The following MPZL1 variants were observed in gnomAD, a reference collection of about 807,000 sequenced individuals.
MPZL1 encodes the protein myelin protein zero like 1.
In MPZL1, 16 loss-of-function variants were observed where a neutral mutation model predicts 29.3. The observed-to-expected ratio is 0.55, with a 90% confidence interval of 0.37 to 0.83. The LOEUF is 0.83. Among genes scored for constraint, MPZL1 ranks in the 40% least tolerant of loss-of-function variants. The probability of loss-of-function intolerance (pLI) is 0.00; values close to 1 mark genes in which losing one functional copy is unlikely to be tolerated. For missense variants in MPZL1, 279 were observed against 332.9 expected, an observed-to-expected ratio of 0.84 and a Z score of 1.26; for synonymous variants, 143 against 132.0, an observed-to-expected ratio of 1.08 and a Z score of -0.57.
At chr1:167,737,455 G>A (rs1333390405) in intron 1 of MPZL1, among the ~76,000 whole-genome samples, 1 of 152,172 alleles carries the variant, frequency 6.6e-6, no homozygotes, top group Non-Finnish European at 1.5e-5. Context: ...TTGAGGGGTG[G>A]TGTTCAATAA....
At chr1:167,740,621 A>G (rs1016125681) in intron 1 of MPZL1, among the ~76,000 whole-genome samples, 14 of 151,892 alleles carry the variant, frequency 9.2e-5, no homozygotes, top group African/African-American at 3.1e-4. Context: ...CTTCCTCTAC[A>G]TTATTTTCCT....
intron 1 of MPZL1, among the ~76,000 whole-genome samples, chr1:167,759,708 G>A (rs564630333): frequency 6.6e-6 from 1 of 152,318 alleles, no homozygotes; most frequent in South Asian, 2.1e-4. Context: ...CCAGCTCTCA[G>A]CATTTGACAC....
chr1:167,732,529 T>C (rs1660292811), intron 1 of MPZL1, among the ~76,000 whole-genome samples: 1 of 152,242 alleles, frequency 6.6e-6, no homozygotes, highest in Admixed American at 6.5e-5. Context: ...CAAAGTTCCC[T>C]GTAGCCTCAA....
At chr1:167,727,827 C>T (rs1040016043) in intron 1 of MPZL1, among the ~76,000 whole-genome samples, 1 of 151,814 alleles carries the variant, frequency 6.6e-6, no homozygotes, top group East Asian at 1.9e-4. Context: ...TATATCTTTG[C>T]CTTTAAACCC....
intron 5 of MPZL1, among the ~76,000 whole-genome samples, chr1:167,779,349 C>A (rs542002772): frequency 2.4e-4 from 36 of 152,218 alleles, no homozygotes; most frequent in Non-Finnish European, 4.3e-4. Flanking sequence ...CTTTGGGAGG[C>A]TGAGGTGGGT....
intron 1 of MPZL1, among the ~76,000 whole-genome samples, chr1:167,743,874 T>C (rs1409416834): frequency 6.6e-6 from 1 of 152,094 alleles, no homozygotes; most frequent in Non-Finnish European, 1.5e-5. Context: ...TGACTTCCTC[T>C]TTACTGATTT....
At chr1:167,753,281 G>T (rs997446094) in intron 1 of MPZL1, among the ~76,000 whole-genome samples, 1 of 152,172 alleles carries the variant, frequency 6.6e-6, no homozygotes, top group African/African-American at 2.4e-5. Context: ...ATACCAGCTC[G>T]CCACCAACAG....
intron 5 of MPZL1, among the ~76,000 whole-genome samples, chr1:167,783,443 G>A (rs982831011): frequency 2.0e-5 from 3 of 152,208 alleles, no homozygotes; most frequent in African/African-American, 4.8e-5. Context: ...TCTGGATATC[G>A]TTGATGCTCT....
intron 1 of MPZL1, among the ~76,000 whole-genome samples, chr1:167,759,070 C>T (rs1660927676): frequency 6.6e-6 from 1 of 152,170 alleles, no homozygotes. Context: ...AATCAACAGA[C>T]TTTTTTAAAT....
chr1:167,771,849 T>C (rs958745917), intron 2 of MPZL1, among the ~76,000 whole-genome samples: 4 of 150,792 alleles, frequency 2.7e-5, no homozygotes, highest in Non-Finnish European at 5.9e-5. Context: ...GAGCATTGAG[T>C]GAGCAAGACT....
At chr1:167,773,040 G>A (rs1661284643) in intron 3 of MPZL1, among the ~76,000 whole-genome samples, 196 bp from the exon 4 acceptor site, 1 of 152,128 alleles carries the variant, frequency 6.6e-6, no homozygotes. Flanking sequence ...TAGTTCCATA[G>A]TTCATTCTTT....
chr1:167,749,828 T>TA (rs1280237215), intron 1 of MPZL1, among the ~76,000 whole-genome samples: 1 of 152,148 alleles, frequency 6.6e-6, no homozygotes, highest in Non-Finnish European at 1.5e-5. Context: ...AGAGGTGAAA[T>TA]AGAGGCTACT....
chr1:167,769,575 G>A (rs1301363209), intron 2 of MPZL1, among the ~76,000 whole-genome samples: 1 of 152,168 alleles, frequency 6.6e-6, no homozygotes, highest in African/African-American at 2.4e-5. Flanking sequence ...CTTCATGGGA[G>A]TGAAGATTTC....
At chr1:167,772,593 T>G in intron 3 of MPZL1, 105 bp downstream of exon 3, 1 of 1,059,262 alleles carries the variant, frequency 9.4e-7, no homozygotes, top group South Asian at 1.6e-5. Context: ...GGAGGATTTT[T>G]GCCATACAGT....
intron 1 of MPZL1, among the ~76,000 whole-genome samples, chr1:167,744,127 TG>T (rs1439520262): frequency 6.6e-6 from 1 of 152,116 alleles, no homozygotes; most frequent in Non-Finnish European, 1.5e-5. Context: ...ATTTCATTCT[TG>T]TAATAACTCT....
chr1:167,785,849 G>A (rs1469487603), intron 5 of MPZL1, among the ~76,000 whole-genome samples: 1 of 152,184 alleles, frequency 6.6e-6, no homozygotes, highest in Non-Finnish European at 1.5e-5. Context: ...CTGAAGTGCA[G>A]TGGCGCTATC....
chr1:167,724,088 T>C (rs1185660573), intron 1 of MPZL1, among the ~76,000 whole-genome samples: 1 of 152,076 alleles, frequency 6.6e-6, no homozygotes, highest in Non-Finnish European at 1.5e-5. Context: ...TGCCACTGTG[T>C]AGGGTCAGAA....
At chr1:167,741,347 T>C (rs76492031) in intron 1 of MPZL1, among the ~76,000 whole-genome samples, 2 of 130,274 alleles carry the variant, frequency 1.5e-5, no homozygotes, top group South Asian at 2.7e-4. Context: ...TTTTTTTTTT[T>C]CCTGACAAGG....
At chr1:167,780,140 A>G (rs1458167861) in intron 5 of MPZL1, among the ~76,000 whole-genome samples, 4 of 151,762 alleles carry the variant, frequency 2.6e-5, no homozygotes, top group African/African-American at 7.2e-5. Flanking sequence ...TAATCATTTC[A>G]AAATACTCAG....
Sources: allele counts gnomAD v4.1 joint callset (sites outside exome capture counted in the v4.1 genomes callset), GRCh38; gene constraint gnomAD v4.1.1; transcripts MANE v1.5; gene names NCBI Gene and HGNC (gene_info 2026-07-23, HGNC 2026-07-21).